EWSR1: variants seen among roughly 807,000 people sequenced by gnomAD.
EWSR1 encodes EWS RNA binding protein 1.
A neutral mutation model predicts 92.1 loss-of-function variants in EWSR1; 14 were observed. The observed-to-expected ratio is 0.15, with a 90% CI of 0.10 to 0.24. The LOEUF (loss-of-function observed/expected upper bound fraction) is 0.24, where lower values mean the gene tolerates loss of function less well. Ranked by LOEUF, EWSR1 falls within the 10% of genes least tolerant of loss-of-function variation. The probability of loss-of-function intolerance (pLI) is 1.00; values close to 1 mark genes in which losing one functional copy is unlikely to be tolerated. For synonymous variants in EWSR1, 303 were observed against 292.9 expected (o/e 1.03, Z -0.35); for missense variants, 637 against 870.9 (o/e 0.73, Z 3.38).
chr22:29,268,398 A>G (rs759738889), intron 1 of EWSR1, 49 bp downstream of exon 1: 1 of 1,613,636 alleles, frequency 6.2e-7, no homozygotes, highest in Non-Finnish European at 8.5e-7. Flanking sequence ...GGAACGCCCA[A>G]ACTGGGGGTC....
chr22:29,283,927 T>C (rs2059817514), intron 6 of EWSR1, among the ~76,000 whole-genome samples: 2 of 151,156 alleles, frequency 1.3e-5, no homozygotes, highest in Non-Finnish European at 2.9e-5. Flanking sequence ...CTCTGCCTCC[T>C]GGGTTCAAGC....
chr22:29,296,025 A>T, intron 11 of EWSR1: 3 of 512,774 alleles, frequency 5.9e-6, no homozygotes, highest in East Asian at 6.8e-5. Flanking sequence ...TATCCTGTTC[A>T]CTTCCACACT....
intron 8 of EWSR1, chr22:29,289,128 T>C: frequency 3.7e-6 from 1 of 267,410 alleles, no homozygotes; most frequent in South Asian, 1.5e-4. Context: ...TGACCCTAAG[T>C]TGTTAACTAA....
At position 29,290,899 on chromosome 22, in the gene EWSR1, A is replaced by G. The variant is rs139990888; in HGVS notation, c.975-663A>G. ...CCCTCTCCCCTCTTTAAGTAATTTT[A>G]CATGGCCATAGTCATTATTCTAACT... On this transcript the variant is annotated intron_variant, in intron 8 of 16. Coordinates refer to ENST00000397938, the MANE Select transcript of EWSR1 (RefSeq NM_005243.4). 94 of 248,304 alleles carry G rather than the reference A, an allele frequency of 3.8e-4. No homozygotes were observed. In the East Asian group the frequency reaches 5.4e-3, roughly 14 times the overall value. 15.4% of individuals were successfully genotyped at this position (248,304 alleles called of 1,614,324 possible). A position where few individuals can be genotyped will look rare whatever the true frequency, so the allele number is the denominator to read the frequency against.
intron 6 of EWSR1, 48 bp from the exon 7 acceptor site, chr22:29,286,875 G>C: frequency 6.9e-7 from 1 of 1,442,724 alleles, no homozygotes. Context: ...GAAATAACAA[G>C]CCTCTTTCTA....
At chr22:29,268,984 T>C in intron 1 of EWSR1, among the ~76,000 whole-genome samples, 1 of 152,166 alleles carries the variant, frequency 6.6e-6, no homozygotes, top group South Asian at 2.1e-4. Flanking sequence ...CAGAATGTGC[T>C]TCCCTCCTCC....
At chr22:29,288,910 C>T (rs960932279) in intron 8 of EWSR1, 124 bp downstream of exon 8, 4 of 920,062 alleles carry the variant, frequency 4.3e-6, no homozygotes, top group Non-Finnish European at 6.2e-6. Context: ...CTGTTGAGCT[C>T]AAGCCATCTT....
intron 1 of EWSR1, 132 bp downstream of exon 1, chr22:29,268,481 G>T: frequency 1.3e-6 from 2 of 1,520,740 alleles, no homozygotes; most frequent in Non-Finnish European, 1.8e-6. Context: ...GCCGCGGCCC[G>T]ACGAGCTCGG....
Position 29,291,518 on chromosome 22 carries a change from G to A in EWSR1, c.975-44G>A, listed in dbSNP as rs766141424. 23 of 1,605,072 alleles carry A rather than the reference G, an allele frequency of 1.4e-5. No individual in the cohort carries two copies. The Admixed American group carries it at 3.8e-4, about 26-fold the overall frequency. ...CCCCCCAAGGCTCAGAGCGGTACTGGCTTTTAAAGGGAAAGGCCTTCATTT... is the reference window on the plus strand; with the variant it reads ...CCCCCCAAGGCTCAGAGCGGTACTGACTTTTAAAGGGAAAGGCCTTCATTT... On this transcript the variant is annotated intron_variant, in intron 8 of 16. Transcript: ENST00000397938.
chr22:29,274,097 T>C (rs2058912113), intron 4 of EWSR1, among the ~76,000 whole-genome samples: 1 of 152,214 alleles, frequency 6.6e-6, no homozygotes, highest in Non-Finnish European at 1.5e-5. Context: ...TTTTAACTGT[T>C]TGAATAATCT....
intron 4 of EWSR1, chr22:29,274,530 T>C: frequency 6.4e-6 from 3 of 466,222 alleles, no homozygotes; most frequent in East Asian, 3.2e-5. Flanking sequence ...GTTATTTACC[T>C]TCCCAAAGGT....
chr22:29,278,908 T>C (rs2059337324), intron 5 of EWSR1, among the ~76,000 whole-genome samples: 1 of 151,756 alleles, frequency 6.6e-6, no homozygotes, highest in Non-Finnish European at 1.5e-5. Context: ...GGCAGGAGAA[T>C]TACTTGAACC....
rs748647019 is a variant in EWSR1, at chr22:29,268,316, A to T, written c.-21A>T. ...GCGAGAGGGAGACGGACGTTGAGAGAACGAGGAGGAAGGAGAGAAAATGGC... is the reference window on the plus strand; with the variant it reads ...GCGAGAGGGAGACGGACGTTGAGAGTACGAGGAGGAAGGAGAGAAAATGGC... On this transcript the variant is annotated 5_prime_UTR_variant, in exon 1 of 17. Coordinates refer to ENST00000397938, the MANE Select transcript of EWSR1 (RefSeq NM_005243.4). The T allele has an allele frequency of 3.1e-6, 5 of 1,613,518 alleles. No individual in the cohort carries two copies.
At chr22:29,298,455 A>G (rs2061046831) in intron 13 of EWSR1, among the ~76,000 whole-genome samples, 1 of 151,696 alleles carries the variant, frequency 6.6e-6, no homozygotes, top group Non-Finnish European at 1.5e-5. Context: ...TGCAGTGAGC[A>G]AAGATCGTGC....
chr22:29,297,200 G>A (rs1000394967), intron 12 of EWSR1, among the ~76,000 whole-genome samples: 3 of 152,178 alleles, frequency 2.0e-5, no homozygotes, highest in African/African-American at 7.2e-5. Context: ...AGGCTGGAGT[G>A]CAGTGACACA....
At chr22:29,269,371 A>G (rs1305602423) in intron 1 of EWSR1, 1 of 152,244 alleles carries the variant, frequency 6.6e-6, no homozygotes, top group Non-Finnish European at 1.5e-5. Context: ...CCCGGTTGGG[A>G]ACTCCAAAAT....
In EWSR1 at chr22:29,285,122, G is replaced by GTTTT. The variant is rs35739164; in HGVS notation, c.582-1785_582-1782dup. On this transcript the variant is annotated intron_variant, in intron 6 of 16. Transcript: ENST00000397938. Reference sequence around the variant, plus strand: ...GTGTGAGCCACTGCTTCTGGCCCTTGTTTTTTTTTTTTTTTTTTTGAGATG... The same window carrying GTTTT: ...GTGTGAGCCACTGCTTCTGGCCCTTGTTTTTTTTTTTTTTTTTTTTTTTGAGATG... Among the ~76,000 whole-genome samples the GTTTT allele has an allele frequency of 1.0e-3, 114 of 111,592 alleles. 6 individuals carry two copies. The highest frequency in any genetic ancestry group is 3.7e-3 in the African/African-American group (100 of 26,702). 73.2% of individuals were successfully genotyped at this position (111,592 alleles called of 152,430 possible).
chr22:29,284,662 CTG>C (rs1273308550), intron 6 of EWSR1, among the ~76,000 whole-genome samples: 4 of 151,170 alleles, frequency 2.6e-5, no homozygotes, highest in African/African-American at 9.9e-5. Flanking sequence ...GGGTCTCACT[CTG>C]TTGTCCAGGC....
intron 4 of EWSR1, chr22:29,274,381 A>G (rs550867228): frequency 2.4e-5 from 32 of 1,333,504 alleles, no homozygotes; most frequent in South Asian, 5.9e-5. Context: ...TGAACCCCCA[A>G]ACTTTCTAAC....
Sources: gnomAD v4.1 joint callset for allele counts (sites outside exome capture counted in the v4.1 genomes callset) on GRCh38, gnomAD v4.1.1 for gene constraint, MANE v1.5 for transcripts, NCBI Gene and HGNC (gene_info 2026-07-23, HGNC 2026-07-21) for gene names.